Variants in WDFY4 observed in about 807,000 individuals in gnomAD.
WDFY4 encodes WDFY family member 4.
A neutral mutation model predicts 351.9 loss-of-function variants in WDFY4; 169 were observed. The ratio of observed to expected loss-of-function variants is 0.48; its 90% confidence interval spans 0.42 to 0.55. The LOEUF is 0.55. Among genes scored for constraint, WDFY4 ranks in the 20% least tolerant of loss-of-function variants. WDFY4 has a pLI of 0.00. For missense variants in WDFY4, 3,803 were observed against 3,935.6 expected, an observed-to-expected ratio of 0.97 and a Z score of 0.90; for synonymous variants, 1,622 against 1,574.6, an observed-to-expected ratio of 1.03 and a Z score of -0.71.
At chr10:48,936,777 G>A (rs1316057556) in intron 47 of WDFY4, among the ~76,000 whole-genome samples, 1 of 150,032 alleles carries the variant, frequency 6.7e-6, no homozygotes, top group African/African-American at 2.5e-5. Context: ...GACAGAGGTT[G>A]CAGTGAGCCG....
intron 59 of WDFY4, among the ~76,000 whole-genome samples, chr10:48,977,473 C>T (rs1036544029): frequency 6.7e-6 from 1 of 150,342 alleles, no homozygotes; most frequent in Non-Finnish European, 1.5e-5. Flanking sequence ...ATCCATGTAT[C>T]CCTCCATGTA....
Position 48,913,366 on chromosome 10 carries a change from T to C in WDFY4, c.7586+11503T>C, listed in dbSNP as rs761131430. On this transcript the variant is annotated intron_variant, in intron 47 of 61. Transcript: ENST00000325239. ...CTTCCCTCCCTCTCTCTTTCCCTTC[T>C]GCCTCAGGGTCAGGTTCCAAGTCAC... The C allele has an allele frequency of 4.4e-6, 7 of 1,596,416 alleles. No homozygotes were observed. The East Asian group carries it at 1.6e-4, about 36-fold the overall frequency.
chr10:48,910,270 G>A (rs200248208), intron 47 of WDFY4: 1 of 1,613,124 alleles, frequency 6.2e-7, no homozygotes, highest in African/African-American at 1.3e-5. Context: ...TGGGGATGGA[G>A]ACACAAGAAG....
chr10:48,713,097 G>C (rs183620326), intron 2 of WDFY4, among the ~76,000 whole-genome samples: 6 of 152,298 alleles, frequency 3.9e-5, no homozygotes, highest in East Asian at 1.9e-4. Context: ...GCTCGGAAAG[G>C]CCATGTCCCT....
intron 40 of WDFY4, among the ~76,000 whole-genome samples, chr10:48,869,225 A>C (rs970686179): frequency 1.7e-4 from 26 of 152,214 alleles, no homozygotes; most frequent in African/African-American, 4.6e-4. Flanking sequence ...CAGAAAAGTC[A>C]GGTCCAAACT....
At chr10:48,701,914 C>T (rs7922132) in intron 1 of WDFY4, among the ~76,000 whole-genome samples, 90,742 of 152,156 alleles carry the variant, frequency 0.6, 27,200 homozygotes, top group East Asian at 0.7. Context: ...TAGAGATTTC[C>T]ATCCCCACTG....
chr10:48,829,360 G>C (rs1263227648), intron 37 of WDFY4, among the ~76,000 whole-genome samples: 1 of 152,154 alleles, frequency 6.6e-6, no homozygotes, highest in East Asian at 1.9e-4. Context: ...AAGACTTTTT[G>C]CCTAATGGAG....
At chr10:48,727,715 CAG>C in intron 7 of WDFY4, 56 bp downstream of exon 7, 1 of 1,532,556 alleles carries the variant, frequency 6.5e-7, no homozygotes, top group Non-Finnish European at 8.8e-7. Flanking sequence ...CCTTAGTCCT[CAG>C]AATCATTGGG....
intron 12 of WDFY4, among the ~76,000 whole-genome samples, chr10:48,746,516 T>C (rs977511113): frequency 1.3e-5 from 2 of 152,174 alleles, no homozygotes; most frequent in Non-Finnish European, 2.9e-5. Flanking sequence ...TTCAATCTAG[T>C]GTGGTATTAT....
chr10:48,977,075 ATT>A (rs1416353859), intron 59 of WDFY4, 96 bp downstream of exon 59: 1 of 1,241,396 alleles, frequency 8.1e-7, no homozygotes, highest in Non-Finnish European at 1.0e-6. Context: ...TGCAGGTTGC[ATT>A]TGAGACCATT....
chr10:48,712,832 A>C (rs1004108916), intron 2 of WDFY4, among the ~76,000 whole-genome samples: 3 of 144,816 alleles, frequency 2.1e-5, no homozygotes, highest in African/African-American at 7.5e-5. Flanking sequence ...CAGAACCTAA[A>C]ATGTTATGCC....
At chr10:48,905,962 C>G (rs1837595044) in intron 47 of WDFY4, among the ~76,000 whole-genome samples, 2 of 152,240 alleles carry the variant, frequency 1.3e-5, no homozygotes, top group Non-Finnish European at 2.9e-5. Flanking sequence ...CCTTCTCTTG[C>G]CAGCCCAATT....
At position 48,940,794 on chromosome 10, in the gene WDFY4, C is replaced by T. The variant is rs568698819; in HGVS notation, c.7587-1012C>T. Reference sequence around the variant, plus strand: ...AGGCTGAGGAGCTGGGCTCTGTAATCTCTGCTGAAGAGAAGAGAGGTTTCA... The same window carrying T: ...AGGCTGAGGAGCTGGGCTCTGTAATTTCTGCTGAAGAGAAGAGAGGTTTCA... On this transcript the variant is annotated intron_variant, in intron 47 of 61. Transcript: ENST00000325239. Among the ~76,000 whole-genome samples the T allele has an allele frequency of 7.9e-5, 12 of 152,246 alleles. No homozygotes were observed. In the South Asian group the frequency reaches 2.5e-3, roughly 32 times the overall value.
intron 34 of WDFY4, among the ~76,000 whole-genome samples, chr10:48,821,573 C>T (rs1000042724): frequency 1.3e-5 from 2 of 152,212 alleles, no homozygotes; most frequent in East Asian, 3.8e-4. Flanking sequence ...AACAATGAAC[C>T]TGGATGAAGA....
At chr10:48,817,903 G>T (rs371798716) in intron 32 of WDFY4, among the ~76,000 whole-genome samples, 6 of 152,372 alleles carry the variant, frequency 3.9e-5, no homozygotes, top group Middle Eastern at 3.4e-3. Flanking sequence ...CCAAGGGGAG[G>T]GCAGAGCCTG....
chr10:48,704,897 A>G (rs375230259), intron 1 of WDFY4, among the ~76,000 whole-genome samples: 10 of 152,246 alleles, frequency 6.6e-5, no homozygotes, highest in African/African-American at 2.4e-4. Flanking sequence ...GTGCCAGTAA[A>G]TATGCATTCC....
At chr10:48,973,495 C>T (rs1241600925) in intron 57 of WDFY4, among the ~76,000 whole-genome samples, 1 of 152,234 alleles carries the variant, frequency 6.6e-6, no homozygotes, top group Non-Finnish European at 1.5e-5. Flanking sequence ...GACGCTTAGC[C>T]TCATTGACCC....
Position 48,806,037 on chromosome 10 carries a change from T to A in WDFY4, c.4680T>A (p.Pro1560=). Residue 1560 remains proline, a synonymous_variant, in exon 27 of 62, where the codon CCT becomes CCA. Coordinates refer to ENST00000325239, the MANE Select transcript of WDFY4 (RefSeq NM_001394531.1). Reference sequence around the variant, plus strand: ...TGTTTGTTGTGTACACCCTCAAGCCTTCGTCGGTGAATGAGAGGCAGATCT... The same window carrying A: ...TGTTTGTTGTGTACACCCTCAAGCCATCGTCGGTGAATGAGAGGCAGATCT... ...IGLFVVYTLK[P]SSVNERQICM... The A allele has an allele frequency of 6.4e-7, 1 of 1,551,708 alleles. No individual in the cohort carries two copies. The highest frequency in any genetic ancestry group is 8.7e-7 in the Non-Finnish European group (1 of 1,146,996).
At position 48,796,450 on chromosome 10, in the gene WDFY4, G is replaced by C; in HGVS notation, c.4410G>C (p.Glu1470Asp). 6.5e-7 allele frequency: 1 copy of C among 1,550,290 alleles called. No homozygotes were observed. The highest frequency in any genetic ancestry group is 8.7e-7 in the Non-Finnish European group (1 of 1,146,926). The change falls in exon 24 of 62, where the codon GAG becomes GAC. Residue 1470 changes from glutamate to aspartate, a missense_variant and splice_region_variant. Glu to Asp is a conservative substitution (Grantham distance 45, BLOSUM62 2). This residue lies in a region of WDFY4 where 3,054 missense variants were observed against 3,148.6 expected (regional missense o/e 0.97). Coordinates refer to ENST00000325239, the MANE Select transcript of WDFY4 (RefSeq NM_001394531.1). ...TCCAGCACATCCTCTGCAATTTCGAGGTAAATCAGAGATTGGCCCTTAGTC... is the reference window on the plus strand; with the variant it reads ...TCCAGCACATCCTCTGCAATTTCGACGTAAATCAGAGATTGGCCCTTAGTC... ...GVFQHILCNF[E>D]LWMNTADNLE...
Sources: allele counts gnomAD v4.1 joint callset (sites outside exome capture counted in the v4.1 genomes callset), GRCh38; gene constraint gnomAD v4.1.1; regional missense constraint gnomAD v4.1.1; transcripts MANE v1.5; gene names NCBI Gene and HGNC (gene_info 2026-07-23, HGNC 2026-07-21).